The following ZNF385D variants were observed in gnomAD, a reference collection of about 807,000 sequenced individuals.
ZNF385D encodes the protein zinc finger protein 385D.
ZNF385D carries 15 observed loss-of-function variants against 35.8 expected under a neutral mutation model. The observed-to-expected ratio is 0.42, with a 90% CI of 0.28 to 0.64. ZNF385D has a LOEUF of 0.64. ZNF385D is among the 30% of genes least tolerant of loss of function. The probability of loss-of-function intolerance (pLI) is 0.23; values close to 1 mark genes in which losing one functional copy is unlikely to be tolerated. For missense variants in ZNF385D, 474 were observed against 494.6 expected, an observed-to-expected ratio of 0.96 and a Z score of 0.39; for synonymous variants, 212 against 186.8, an observed-to-expected ratio of 1.13 and a Z score of -1.10.
intron 3 of ZNF385D, among the ~76,000 whole-genome samples, chr3:22,038,739 G>A (rs971821583): frequency 6.6e-6 from 1 of 151,832 alleles, no homozygotes; most frequent in African/African-American, 2.4e-5. Context: ...GATAATGGAT[G>A]TTAAGATTAT....
intron 3 of ZNF385D, among the ~76,000 whole-genome samples, chr3:21,957,906 C>T (rs1254400441): frequency 6.6e-6 from 1 of 152,128 alleles, no homozygotes; most frequent in Non-Finnish European, 1.5e-5. Context: ...GTACTAGTTT[C>T]ATCAATGTAC....
intron 3 of ZNF385D, among the ~76,000 whole-genome samples, chr3:21,913,473 C>G (rs1295929986): frequency 1.3e-5 from 2 of 152,084 alleles, no homozygotes; most frequent in Non-Finnish European, 2.9e-5. Flanking sequence ...TACTGAATGA[C>G]TATTAGATTC....
intron 3 of ZNF385D, among the ~76,000 whole-genome samples, chr3:22,139,443 C>G (rs12715026): frequency 0.92 from 139,339 of 151,884 alleles, 64,082 homozygotes; most frequent in African/African-American, 0.98. Context: ...CCATAAAAAA[C>G]GATGAGTTCA....
upstream of ZNF385D, among the ~76,000 whole-genome samples, chr3:21,755,213 A>C (rs962058927): frequency 1.3e-5 from 2 of 152,180 alleles, no homozygotes; most frequent in Non-Finnish European, 2.9e-5. Context: ...ATATTGTAGC[A>C]ATAAAATTGT....
chr3:22,149,281 G>A (rs992967848), intron 3 of ZNF385D, among the ~76,000 whole-genome samples: 1 of 151,966 alleles, frequency 6.6e-6, no homozygotes. Context: ...TTTTCTTCCT[G>A]CTGATTGTAG....
chr3:21,581,737 T>TTTA (rs2063671397), intron 2 of ZNF385D, among the ~76,000 whole-genome samples: 1 of 152,184 alleles, frequency 6.6e-6, no homozygotes, highest in African/African-American at 2.4e-5. Flanking sequence ...AAACTGCATG[T>TTTA]TTATAAAGTA....
chr3:22,006,297 A>G lies in ZNF385D; in HGVS notation c.325+162520T>C, dbSNP rs73822803. Among the ~76,000 whole-genome samples, 696 of 152,238 alleles carry G rather than the reference A, an allele frequency of 4.6e-3. 3 individuals carry two copies. Among genetic ancestry groups the G allele is most frequent in the African/African-American group, 0.015 (643 of 41,560 alleles). On this transcript the variant is annotated intron_variant, in intron 3 of 5. Coordinates refer to the ZNF385D transcript ENST00000494108. ...GTTGATCTCCATTACAAAAAAGTCA[A>G]TTGCAAATGGTTTTGTATTTCCTAG... is the stretch of plus-strand genomic sequence containing the variant.
chr3:22,283,729 A>T (rs530582417), intron 2 of ZNF385D, among the ~76,000 whole-genome samples: 2 of 152,236 alleles, frequency 1.3e-5, no homozygotes, highest in South Asian at 4.1e-4. Context: ...TAAATGTGTG[A>T]TGTGCTCAGT....
chr3:21,859,351 T>C (rs1004910214), intron 3 of ZNF385D, among the ~76,000 whole-genome samples: 9 of 151,866 alleles, frequency 5.9e-5, no homozygotes, highest in Non-Finnish European at 1.2e-4. Context: ...TCTGGGGTTA[T>C]GCATGTGTGG....
At chr3:22,338,263 C>A (rs953546802) in intron 2 of ZNF385D, among the ~76,000 whole-genome samples, 1 of 152,046 alleles carries the variant, frequency 6.6e-6, no homozygotes, top group African/African-American at 2.4e-5. Context: ...CTTGATTAAA[C>A]CAAGTAATAT....
At chr3:21,619,010 G>A (rs549960828) in intron 2 of ZNF385D, among the ~76,000 whole-genome samples, 102 of 152,100 alleles carry the variant, frequency 6.7e-4, no homozygotes, top group Non-Finnish European at 1.3e-3. Context: ...CCCAAGGAGT[G>A]AACTTCTCAC....
chr3:22,308,478 A>C (rs888930450), intron 2 of ZNF385D, among the ~76,000 whole-genome samples: 1 of 151,994 alleles, frequency 6.6e-6, no homozygotes, highest in African/African-American at 2.4e-5. Context: ...AGACAGAGAG[A>C]AGGACATTCC....
At chr3:22,126,808 C>G (rs964808447) in intron 3 of ZNF385D, among the ~76,000 whole-genome samples, 6 of 152,084 alleles carry the variant, frequency 3.9e-5, no homozygotes, top group Admixed American at 3.3e-4. Context: ...TATTGTATCT[C>G]TCTCTTTAGC....
At position 21,646,666 on chromosome 3, in the gene ZNF385D, A is replaced by G. The variant is rs1371861711; in HGVS notation, c.165+18220T>C. Among the ~76,000 whole-genome samples the G allele has an allele frequency of 1.3e-5, 2 of 150,442 alleles. No individual in the cohort carries two copies. The highest frequency in any genetic ancestry group is 2.9e-5 in the Non-Finnish European group (2 of 68,030). On this transcript the variant is annotated intron_variant, in intron 2 of 7. Coordinates refer to ENST00000281523, the MANE Select transcript of ZNF385D (RefSeq NM_024697.3). This position sits in a 1 kb window ranked among gnomAD's most constrained non-coding sequence, Gnocchi z 4.3. ...GTCTCCATTTACTTCAGAGGCAATT[A>G]GAAAGAAAGAAACAGGCCTGCCTTC...
At chr3:21,718,578 G>A (rs930231467) in intron 1 of ZNF385D, among the ~76,000 whole-genome samples, 1 of 152,200 alleles carries the variant, frequency 6.6e-6, no homozygotes. Flanking sequence ...CTCTATAGAT[G>A]AGAAAATGGA....
rs79072087 is a variant in ZNF385D, at chr3:22,285,253, C to T, written c.106+87197G>A. Among the ~76,000 whole-genome samples, 1,456 of 152,246 alleles carry T rather than the reference C, an allele frequency of 9.6e-3. 24 individuals are homozygous for T. The highest frequency in any genetic ancestry group is 0.034 in the African/African-American group (1,399 of 41,560). Reference sequence around the variant, plus strand: ...CTACAATGTTTTTGGTGATAAGAGGCTCATCTGCCTCTAACCCTCCACCAC... The same window carrying T: ...CTACAATGTTTTTGGTGATAAGAGGTTCATCTGCCTCTAACCCTCCACCAC... On this transcript the variant is annotated intron_variant, in intron 2 of 5. Coordinates refer to the ZNF385D transcript ENST00000494108.
intron 3 of ZNF385D, among the ~76,000 whole-genome samples, chr3:21,541,633 A>G (rs2062179017): frequency 6.6e-6 from 1 of 152,188 alleles, no homozygotes; most frequent in South Asian, 2.1e-4. Flanking sequence ...AAACCCTCCT[A>G]CTGTCCTAGT....
rs757994628 is a variant in ZNF385D, at chr3:21,750,962, C to A, written c.-46G>T. On this transcript the variant is annotated 5_prime_UTR_variant, in exon 1 of 8. Coordinates refer to ENST00000281523, the MANE Select transcript of ZNF385D (RefSeq NM_024697.3). ...CACCGCGGTGTCTTCAGCATCAGCT[C>A]TCACCCAAGGCTGGCACGTAGAGCA... 2.4e-5 allele frequency: 38 copies of A among 1,613,850 alleles called. No individual in the cohort carries two copies. The South Asian group carries it at 2.7e-4, about 12-fold the overall frequency.
At chr3:21,671,229 C>T (rs1368929721) in intron 1 of ZNF385D, among the ~76,000 whole-genome samples, 2 of 152,102 alleles carry the variant, frequency 1.3e-5, no homozygotes, top group East Asian at 3.9e-4. Context: ...TGGTTGGAGG[C>T]TATGCTTCCC....
Sources: allele counts gnomAD v4.1 joint callset (sites outside exome capture counted in the v4.1 genomes callset), GRCh38; gene constraint gnomAD v4.1.1; non-coding constraint Gnocchi (gnomAD v3.1); transcripts MANE v1.5; gene names NCBI Gene and HGNC (gene_info 2026-07-23, HGNC 2026-07-21).